TPR: variants seen among roughly 807,000 people sequenced by gnomAD.
TPR encodes the protein translocated promoter region, nuclear basket protein.
Under a neutral mutation model 316.1 loss-of-function variants are expected in TPR, and 51 were observed. That is an observed-to-expected ratio of 0.16 (90% CI 0.13 to 0.20). The LOEUF (loss-of-function observed/expected upper bound fraction) is 0.20, where lower values mean the gene tolerates loss of function less well. TPR is among the 10% of genes least tolerant of loss of function. The pLI is 1.00. For missense variants in TPR, 2,272 were observed against 2,754.8 expected (o/e 0.82, Z 3.92); for synonymous variants, 981 against 914.7 (o/e 1.07, Z -1.31).
intron 30 of TPR, among the ~76,000 whole-genome samples, chr1:186,339,347 A>G (rs1313640789): frequency 6.6e-6 from 1 of 152,150 alleles, no homozygotes; most frequent in Non-Finnish European, 1.5e-5. Flanking sequence ...AAAGAAAAAA[A>G]AAACCTCCTT....
intron 39 of TPR, among the ~76,000 whole-genome samples, chr1:186,329,961 C>T (rs929260808): frequency 3.3e-5 from 5 of 152,154 alleles, no homozygotes; most frequent in South Asian, 4.2e-4. Flanking sequence ...ATGTGAACTT[C>T]GGTACACTAC....
rs1256514072 is a variant in TPR, at chr1:186,363,004, A to G, written c.532-3T>C. On this transcript the variant is annotated splice_polypyrimidine_tract_variant and splice_region_variant and intron_variant, in intron 5 of 50. Transcript: ENST00000367478. ...TGCTCCAAGCGTTTTTCTCGATACT[A>G]AAGAAATCCAAGAAAATAACACGTA... The G allele has an allele frequency of 7.5e-6, 12 of 1,592,774 alleles. No individual in the cohort carries two copies. The highest frequency in any genetic ancestry group is 9.4e-6 in the Non-Finnish European group (11 of 1,175,578).
intron 42 of TPR, among the ~76,000 whole-genome samples, chr1:186,325,183 G>A (rs1657883573): frequency 6.6e-6 from 1 of 152,092 alleles, no homozygotes; most frequent in Non-Finnish European, 1.5e-5. Context: ...TTTCAGCTTA[G>A]TATCAGTTGT....
At position 186,360,286 on chromosome 1, in the gene TPR, A is replaced by C; in HGVS notation, c.1178T>G (p.Met393Arg). 2 of 1,613,288 alleles carry C rather than the reference A, an allele frequency of 1.2e-6. No individual in the cohort carries two copies. Among genetic ancestry groups the C allele is most frequent in the Non-Finnish European group, 1.7e-6 (2 of 1,179,392 alleles). Residue 393 changes from methionine (M) to arginine (R), a missense_variant, in exon 11 of 51, where the codon ATG (methionine) becomes AGG (arginine). Met to Arg is a moderately conservative substitution (Grantham distance 91). Coordinates refer to ENST00000367478, the MANE Select transcript of TPR (RefSeq NM_003292.3). ...AAVAKIVKPG[M>R]KLTELYNAYV... ...TACCATTCTTACCTCAGTTAGTTTC[A>C]TCCCAGGTTTCACTATCTTAGCTAC...
At position 186,344,213 on chromosome 1, in the gene TPR, T is replaced by C. The variant is rs530185743; in HGVS notation, c.3418-123A>G. ...TACTTGGGAGGCTGAGGCAGGAGAA[T>C]TGCTTGAACCCAGCAGGTGGAGATT... On this transcript the variant is annotated intron_variant, in intron 25 of 50. Transcript: ENST00000367478. The C allele has an allele frequency of 2.5e-5, 35 of 1,380,740 alleles. No individual in the cohort carries two copies. The East Asian group carries it at 4.9e-4, about 19-fold the overall frequency. The allele number at this position is 1,380,740 out of a possible 1,614,324, so 85.5% of individuals were successfully genotyped here.
rs1265542974 is a variant in TPR, at chr1:186,358,534, A to G, written c.1497+9T>C. ...TTAAAAGTAGGAAAACAAACAAAAA[A>G]ATTCTAACCTGTTGTGAAAGATCTT... is the stretch of plus-strand genomic sequence containing the variant. On this transcript the variant is annotated intron_variant, in intron 13 of 50. Coordinates refer to ENST00000367478, the MANE Select transcript of TPR (RefSeq NM_003292.3). 3.1e-6 allele frequency: 5 copies of G among 1,602,698 alleles called. No individual in the cohort carries two copies. Among genetic ancestry groups the G allele is most frequent in the African/African-American group, 1.3e-5 (1 of 74,246 alleles).
At chr1:186,347,178 G>T in intron 22 of TPR, 114 bp downstream of exon 22, 1 of 1,117,280 alleles carries the variant, frequency 9.0e-7, no homozygotes, top group South Asian at 1.6e-5. Context: ...AAGGTTAAAG[G>T]CAATGACCCT....
intron 29 of TPR, among the ~76,000 whole-genome samples, chr1:186,340,246 G>A (rs1243039672): frequency 6.6e-6 from 1 of 152,144 alleles, no homozygotes; most frequent in Non-Finnish European, 1.5e-5. Flanking sequence ...AAAGCTCCAA[G>A]AGGTTAAGAA....
chr1:186,338,313 A>C (rs539518468), intron 30 of TPR, 70 bp from the exon 31 acceptor site: 1 of 1,287,512 alleles, frequency 7.8e-7, no homozygotes, highest in African/African-American at 1.5e-5. Context: ...AGTCCAATGT[A>C]ACTTTATGTT....
intron 4 of TPR, among the ~76,000 whole-genome samples, chr1:186,366,932 G>C (rs1432440661): frequency 6.6e-6 from 1 of 150,998 alleles, no homozygotes; most frequent in Non-Finnish European, 1.5e-5. Flanking sequence ...AGGAACTCTT[G>C]TGAGACTGGG....
At chr1:186,346,612 T>C (rs543366223) in intron 22 of TPR, among the ~76,000 whole-genome samples, 5 of 152,318 alleles carry the variant, frequency 3.3e-5, no homozygotes, top group Non-Finnish European at 7.4e-5. Context: ...CTCACACATT[T>C]TGATTTATTT....
At chr1:186,362,256 T>C in intron 7 of TPR, 32 bp downstream of exon 7, 1 of 1,551,030 alleles carries the variant, frequency 6.4e-7, no homozygotes, top group Non-Finnish European at 8.8e-7. Flanking sequence ...TTTAGTATTT[T>C]GTAAAAAAGA....
At chr1:186,326,424 A>G (rs1259616944) in intron 40 of TPR, among the ~76,000 whole-genome samples, 189 bp from the exon 41 acceptor site, 6 of 152,166 alleles carry the variant, frequency 3.9e-5, no homozygotes, top group African/African-American at 1.4e-4. Context: ...AATTAGTGCA[A>G]TAATGATCAA....
chr1:186,317,793 C>T (rs1392775581), intron 48 of TPR, among the ~76,000 whole-genome samples, 193 bp from the exon 49 acceptor site: 4 of 152,126 alleles, frequency 2.6e-5, no homozygotes, highest in African/African-American at 7.2e-5. Flanking sequence ...GTTTTTTCCT[C>T]ATTCCTTTTC....
In TPR at chr1:186,367,901, G is replaced by C. The variant is rs778119396; in HGVS notation, c.412C>G (p.Leu138Val). Residue 138 changes from leucine to valine, a missense_variant, in exon 4 of 51, where the codon CTT (leucine) becomes GTT (valine). Leu to Val is a conservative substitution (Grantham distance 32, BLOSUM62 1). Transcript: ENST00000367478. ...TTCTTCATACCTGTTAAGTATTCAA[G>C]TTCTTGAGATAGTCTCTCATTGGTT... is the stretch of plus-strand genomic sequence containing the variant. ...IRTNERLSQELEYLTEDVKRL... is the reference protein window; with the variant it reads ...IRTNERLSQEVEYLTEDVKRL... 2 of 1,609,332 alleles carry C rather than the reference G, an allele frequency of 1.2e-6. No individual in the cohort carries two copies. The highest frequency in any genetic ancestry group is 3.3e-5 in the Admixed American group (2 of 59,964).
intron 40 of TPR, among the ~76,000 whole-genome samples, chr1:186,326,843 A>G (rs984000009): frequency 4.7e-5 from 7 of 147,948 alleles, no homozygotes; most frequent in African/African-American, 1.7e-4. Flanking sequence ...AACAAATCCT[A>G]AAAGACTCAT....
At chr1:186,338,489 C>T (rs1437923442) in intron 30 of TPR, among the ~76,000 whole-genome samples, 3 of 152,074 alleles carry the variant, frequency 2.0e-5, no homozygotes, top group South Asian at 2.1e-4. Context: ...AAGTAACATG[C>T]GCAATTTTAC....
chr1:186,359,694 GTATT>G, intron 12 of TPR, 101 bp downstream of exon 12: 2 of 1,135,912 alleles, frequency 1.8e-6, no homozygotes, highest in Non-Finnish European at 2.4e-6. Flanking sequence ...ATTGAAAATC[GTATT>G]TAGATTTTTC....
At chr1:186,341,004 T>C in intron 29 of TPR, 24 bp downstream of exon 29, 1 of 1,596,384 alleles carries the variant, frequency 6.3e-7, no homozygotes, top group Non-Finnish European at 8.5e-7. Context: ...TTCCATGTTT[T>C]GGAAGAGTTT....
Sources: allele counts gnomAD v4.1 joint callset (sites outside exome capture counted in the v4.1 genomes callset), GRCh38; gene constraint gnomAD v4.1.1; transcripts MANE v1.5; gene names NCBI Gene and HGNC (gene_info 2026-07-23, HGNC 2026-07-21).